Variants in SI observed in about 807,000 individuals in gnomAD.
SI encodes sucrase-isomaltase.
SI carries 235 observed loss-of-function variants against 253.3 expected under a neutral mutation model. That is an observed-to-expected ratio of 0.93 (90% confidence interval 0.83 to 1.03). The LOEUF is 1.03. SI is among the 50% of genes least tolerant of loss of function. The probability of loss-of-function intolerance (pLI) is 0.00; values close to 1 mark genes in which losing one functional copy is unlikely to be tolerated. For synonymous variants in SI, 819 were observed against 712.0 expected, an observed-to-expected ratio of 1.15 and a Z score of -2.39; for missense variants, 2,442 against 2,211.1, an observed-to-expected ratio of 1.10 and a Z score of -2.09.
chr3:165,033,584 T>A lies in SI; in HGVS notation c.2516-140A>T, dbSNP rs539216416. 1.3e-5 allele frequency: 10 copies of A among 771,610 alleles called. No individual in the cohort carries two copies. The African/African-American group carries it at 1.8e-4, about 14-fold the overall frequency. 47.8% of individuals were successfully genotyped at this position (771,610 alleles called of 1,614,324 possible). On this transcript the variant is annotated intron_variant, in intron 22 of 47. Transcript: ENST00000264382. ...AAGCATCCCAAACAGATTTTGTTTTTAAATTTTTTAATTGTCTCTAAATTA... is the reference window on the plus strand; with the variant it reads ...AAGCATCCCAAACAGATTTTGTTTTAAAATTTTTTAATTGTCTCTAAATTA...
intron 3 of SI, among the ~76,000 whole-genome samples, chr3:165,072,427 AC>A (rs1236907412): frequency 3.3e-5 from 5 of 151,882 alleles, no homozygotes; most frequent in African/African-American, 7.2e-5. Context: ...AACAACAACA[AC>A]AAAAAACCCT....
Position 165,029,187 on chromosome 3 carries a change from C to T in SI, c.2892+1525G>A, listed in dbSNP as rs115186288. Among the ~76,000 whole-genome samples, 656 of 151,194 alleles carry T rather than the reference C, an allele frequency of 4.3e-3. 6 individuals carry two copies. Among genetic ancestry groups the T allele is most frequent in the African/African-American group, 0.015 (624 of 41,334 alleles). ...AACAAACATATGAAAAAATGATCAGCATCACTAATGATCAGGTAAATGCAA... is the reference window on the plus strand; with the variant it reads ...AACAAACATATGAAAAAATGATCAGTATCACTAATGATCAGGTAAATGCAA... On this transcript the variant is annotated intron_variant, in intron 25 of 47. Transcript: ENST00000264382.
At chr3:165,077,768 T>A (rs987146845) in intron 1 of SI, among the ~76,000 whole-genome samples, 1 of 151,626 alleles carries the variant, frequency 6.6e-6, no homozygotes. Context: ...GCTTTCCTTT[T>A]TGATAAGGGA....
In SI at chr3:165,021,359, A is replaced by T; in HGVS notation, c.3124T>A (p.Tyr1042Asn). 1 of 1,610,506 alleles carries T rather than the reference A, an allele frequency of 6.2e-7. No homozygotes were observed. Among genetic ancestry groups the T allele is most frequent in the Non-Finnish European group, 8.5e-7 (1 of 1,177,442 alleles). Reference sequence around the variant, plus strand: ...ATGTTTAACGGTACTGGTACTTCATATCTCTTCTTTTGGGGATCATAAATC... The same window carrying T: ...ATGTTTAACGGTACTGGTACTTCATTTCTCTTCTTTTGGGGATCATAAATC... ...FKIYDPQKKR[Y>N]EVPVPLNIPT... The change falls in exon 27 of 48, where the codon TAT becomes AAT. Residue 1042 changes from tyrosine (Y) to asparagine (N), a missense_variant. Physicochemically the swap from Tyr to Asn is moderately radical, Grantham distance 143. Coordinates refer to ENST00000264382, the MANE Select transcript of SI (RefSeq NM_001041.4).
chr3:165,027,734 G>GA (rs1712004457), intron 25 of SI, among the ~76,000 whole-genome samples: 1 of 150,920 alleles, frequency 6.6e-6, no homozygotes, highest in African/African-American at 2.4e-5. Flanking sequence ...AATAGACACA[G>GA]AAAAACATTT....
Position 165,036,372 on chromosome 3 carries a change from A to G in SI, c.2515+17T>C. ...TTATCAGAGTGAACATTTAAAGCGT[A>G]TTACTTTCAGACTTACCTTTAGTTT... On this transcript the variant is annotated intron_variant, in intron 22 of 47. Transcript: ENST00000264382. The G allele has an allele frequency of 6.4e-7, 1 of 1,564,026 alleles. No individual in the cohort carries two copies. Among genetic ancestry groups the G allele is most frequent in the East Asian group, 2.3e-5 (1 of 44,354 alleles).
chr3:164,979,126 C>T lies in SI; in HGVS notation c.*236G>A. 2.2e-6 allele frequency: 1 copy of T among 451,524 alleles called. No individual in the cohort carries two copies. The highest frequency in any genetic ancestry group is 4.0e-6 in the Non-Finnish European group (1 of 249,748). 28.0% of individuals were successfully genotyped at this position (451,524 alleles called of 1,614,324 possible). Reference sequence around the variant, plus strand: ...GTTTACAATTGTAGCTGATACTTAACAAGGATAAATAGGGCTATTCAAATT... The same window carrying T: ...GTTTACAATTGTAGCTGATACTTAATAAGGATAAATAGGGCTATTCAAATT... On this transcript the variant is annotated 3_prime_UTR_variant, in exon 48 of 48. Coordinates refer to ENST00000264382, the MANE Select transcript of SI (RefSeq NM_001041.4).
At chr3:165,010,191 C>T (rs2108161349) in intron 34 of SI, among the ~76,000 whole-genome samples, 1 of 151,734 alleles carries the variant, frequency 6.6e-6, no homozygotes, top group East Asian at 1.9e-4. Context: ...TAGAGTTTTG[C>T]TCTTGTTGCC....
chr3:165,090,105 G>A, the SI span, among the ~76,000 whole-genome samples: 1 of 151,048 alleles, frequency 6.6e-6, no homozygotes, highest in African/African-American at 2.4e-5. Context: ...AGTTAATTAG[G>A]AACTGAGGGT....
At chr3:164,995,160 C>T (rs796593672) in intron 40 of SI, among the ~76,000 whole-genome samples, 3 of 151,526 alleles carry the variant, frequency 2.0e-5, no homozygotes, top group African/African-American at 7.2e-5. Flanking sequence ...TGACTGGGGC[C>T]CTTTATAGTT....
chr3:165,034,643 T>C (rs906458502), intron 22 of SI, among the ~76,000 whole-genome samples: 3 of 151,944 alleles, frequency 2.0e-5, no homozygotes, highest in Admixed American at 1.3e-4. Context: ...TGTGCTAAAA[T>C]TGAATGAGAA....
chr3:165,064,687 T>A (rs975753982), intron 7 of SI, among the ~76,000 whole-genome samples: 6 of 152,088 alleles, frequency 3.9e-5, no homozygotes, highest in African/African-American at 1.4e-4. Context: ...AGATAAAGAC[T>A]AAGCCCTTAT....
chr3:165,077,651 T>C (rs1213428566), intron 1 of SI, among the ~76,000 whole-genome samples: 2 of 151,776 alleles, frequency 1.3e-5, no homozygotes, highest in Non-Finnish European at 3.0e-5. Flanking sequence ...CGTGATGTTA[T>C]GTTGAGAAAT....
intron 3 of SI, among the ~76,000 whole-genome samples, chr3:165,073,614 C>G (rs1243990757): frequency 2.6e-5 from 4 of 151,912 alleles, no homozygotes; most frequent in Admixed American, 6.6e-5. Flanking sequence ...AATTGCATAT[C>G]ATATTTGCAA....
At chr3:165,056,377 A>T (rs557911839) in intron 12 of SI, among the ~76,000 whole-genome samples, 2 of 140,476 alleles carry the variant, frequency 1.4e-5, no homozygotes, top group South Asian at 2.3e-4. Context: ...TCCAGTGACC[A>T]TCCCCCCCTG....
the SI span, among the ~76,000 whole-genome samples, chr3:165,083,597 G>A: frequency 6.6e-6 from 1 of 151,886 alleles, no homozygotes; most frequent in East Asian, 1.9e-4. Flanking sequence ...CTTTTCATTA[G>A]AGTAGCTTGT....
At position 164,983,007 on chromosome 3, in the gene SI, T is replaced by A; in HGVS notation, c.5242A>T (p.Asn1748Tyr). ...ATATAAATAATCTTACATACCTGGTTTAAATTAAATTGTACAGATAAATAT... is the reference window on the plus strand; with the variant it reads ...ATATAAATAATCTTACATACCTGGTATAAATTAAATTGTACAGATAAATAT... ...DLYLSVQFNL[N>Y]QTTLTSTILK... Residue 1748 changes from asparagine to tyrosine, a missense_variant, in exon 46 of 48, where the codon AAC becomes TAC. Physicochemically the swap from Asn to Tyr is moderately radical, Grantham distance 143 (BLOSUM62 -2). Coordinates refer to ENST00000264382, the MANE Select transcript of SI (RefSeq NM_001041.4). 6.5e-7 allele frequency: 1 copy of A among 1,549,694 alleles called. No homozygotes were observed. Among genetic ancestry groups the A allele is most frequent in the South Asian group, 1.1e-5 (1 of 90,054 alleles).
At chr3:165,062,296 C>A in intron 9 of SI, 75 bp downstream of exon 9, 3 of 768,494 alleles carry the variant, frequency 3.9e-6, no homozygotes, top group South Asian at 1.4e-5. Context: ...AAAATAAAGT[C>A]ATCTAAATAT....
intron 28 of SI, among the ~76,000 whole-genome samples, chr3:165,018,886 C>T (rs1456258586): frequency 6.6e-6 from 1 of 151,656 alleles, no homozygotes; most frequent in Non-Finnish European, 1.5e-5. Context: ...TAAATGCAAG[C>T]TGTTTGAGCA....
Sources: allele counts gnomAD v4.1 joint callset (sites outside exome capture counted in the v4.1 genomes callset), GRCh38; gene constraint gnomAD v4.1.1; transcripts MANE v1.5; gene names NCBI Gene and HGNC (gene_info 2026-07-23, HGNC 2026-07-21).